The following ADAMTSL1 variants were observed in gnomAD, a reference collection of about 807,000 sequenced individuals.
The protein encoded by ADAMTSL1 is ADAMTS like 1, also known as ADAMTS-like protein 1.
ADAMTSL1 carries 126 observed loss-of-function variants against 201.8 expected under a neutral mutation model. The observed-to-expected ratio is 0.62, with a 90% CI of 0.54 to 0.72. ADAMTSL1 has a LOEUF of 0.72. ADAMTSL1 is among the 30% of genes least tolerant of loss of function. The probability of loss-of-function intolerance (pLI) is 0.00; values close to 1 mark genes in which losing one functional copy is unlikely to be tolerated. For synonymous variants in ADAMTSL1, 1,121 were observed against 903.4 expected, an observed-to-expected ratio of 1.24 and a Z score of -4.32; for missense variants, 2,679 against 2,277.8, an observed-to-expected ratio of 1.18 and a Z score of -3.59.
At chr9:18,026,826 A>T (rs745342831) in intron 1 of ADAMTSL1, among the ~76,000 whole-genome samples, 8 of 152,010 alleles carry the variant, frequency 5.3e-5, no homozygotes, top group Non-Finnish European at 1.0e-4. Flanking sequence ...CTGTGAATCC[A>T]TCTTGTCCAG....
chr9:18,032,438 G>A (rs928999107), intron 1 of ADAMTSL1, among the ~76,000 whole-genome samples: 6 of 152,172 alleles, frequency 3.9e-5, no homozygotes, highest in Non-Finnish European at 8.8e-5. Context: ...AAACATCCGG[G>A]TGGGGCAGTG....
intron 16 of ADAMTSL1, among the ~76,000 whole-genome samples, chr9:18,763,588 A>G (rs1563777860): frequency 1.3e-5 from 2 of 151,216 alleles, no homozygotes; most frequent in Non-Finnish European, 3.0e-5. Context: ...GATTCCCCCA[A>G]TTTTTTTTTG....
chr9:18,854,344 C>T (rs1284738409), intron 23 of ADAMTSL1, among the ~76,000 whole-genome samples: 1 of 152,048 alleles, frequency 6.6e-6, no homozygotes, highest in Non-Finnish European at 1.5e-5. Flanking sequence ...TTTGATTGTA[C>T]TTTGTTCTTG....
At chr9:18,164,202 C>T (rs908841787) in intron 2 of ADAMTSL1, among the ~76,000 whole-genome samples, 2 of 151,782 alleles carry the variant, frequency 1.3e-5, no homozygotes, top group African/African-American at 2.4e-5. Context: ...TTTACTCAAG[C>T]GTTAAAGTTT....
rs1008695382 is a variant in ADAMTSL1 at position 17,964,475 on chromosome 9, C to A, written c.87+57553C>A. On this transcript the variant is annotated intron_variant, in intron 1 of 29. Coordinates refer to the ADAMTSL1 transcript ENST00000680146. ...GAAGGGAACAGTCAGGAGGGGGCAA[C>A]GCAAGGAATCCCTGCGTGGTGACAA... Among the ~76,000 whole-genome samples, 3 of 152,212 alleles carry A rather than the reference C, an allele frequency of 2.0e-5. No individual in the cohort carries two copies. In the South Asian group the frequency reaches 6.2e-4, roughly 32 times the overall value.
At chr9:18,099,326 AATATATATAT>A (rs71333027) in intron 1 of ADAMTSL1, among the ~76,000 whole-genome samples, 3 of 57,590 alleles carry the variant, frequency 5.2e-5, no homozygotes, top group African/African-American at 1.6e-4. Flanking sequence ...GCAAATGGAA[AATATATATAT>A]ATATATATAT....
intron 21 of ADAMTSL1, among the ~76,000 whole-genome samples, chr9:18,818,324 T>C (rs1287808422): frequency 6.6e-6 from 1 of 152,134 alleles, no homozygotes; most frequent in Non-Finnish European, 1.5e-5. Context: ...CCCCATGCTT[T>C]GGTGGTTGCT....
In ADAMTSL1 at chr9:18,860,810, C is replaced by CTAAT. The variant is rs373898120; in HGVS notation, c.4250-27019_4250-27016dup. Among the ~76,000 whole-genome samples the CTAAT allele has an allele frequency of 5.2e-3, 794 of 152,244 alleles. 11 individuals are homozygous for CTAAT. The highest frequency in any genetic ancestry group is 0.018 in the African/African-American group (758 of 41,526). On this transcript the variant is annotated intron_variant, in intron 23 of 28. Coordinates refer to ENST00000380548, the MANE Select transcript of ADAMTSL1 (RefSeq NM_001040272.6). ...TCTAAGAGCAAACTCTAATGAAATGCTAATTGTACATTTTAAAGCAGAATA... is the reference window on the plus strand; with the variant it reads ...TCTAAGAGCAAACTCTAATGAAATGCTAATTAATTGTACATTTTAAAGCAGAATA...
rs117709827 is a variant in ADAMTSL1 at position 18,069,203 on chromosome 9, T to C, written c.88-94659T>C. 6.8e-3 allele frequency among the ~76,000 whole-genome samples: 1,031 copies of C among 152,336 alleles called. 6 individuals carry two copies. Among genetic ancestry groups the C allele is most frequent in the Non-Finnish European group, 9.7e-3 (661 of 68,022 alleles). ...TACACACCATATCTCAAAGACTTAG[T>C]ATAAAAAAGAATATGTTTCATTTTT... On this transcript the variant is annotated intron_variant, in intron 1 of 29. Coordinates refer to the ADAMTSL1 transcript ENST00000680146.
chr9:18,004,674 G>T (rs952006197), intron 1 of ADAMTSL1, among the ~76,000 whole-genome samples: 2 of 152,048 alleles, frequency 1.3e-5, no homozygotes, highest in African/African-American at 4.8e-5. Flanking sequence ...AATGATGTTT[G>T]TCAGTCTCCT....
chr9:18,593,022 A>G (rs528632272), intron 4 of ADAMTSL1, among the ~76,000 whole-genome samples: 126 of 152,076 alleles, frequency 8.3e-4, no homozygotes, highest in South Asian at 2.1e-3. Flanking sequence ...CAGATTGTTC[A>G]TTTTTGGCAT....
intron 1 of ADAMTSL1, among the ~76,000 whole-genome samples, chr9:18,160,811 C>A (rs2132081282): frequency 6.6e-6 from 1 of 150,450 alleles, no homozygotes; most frequent in East Asian, 2.0e-4. Flanking sequence ...TCCTGAGTAG[C>A]TGGGACTACC....
At chr9:18,391,063 G>C (rs1838024225) in intron 2 of ADAMTSL1, among the ~76,000 whole-genome samples, 2 of 152,176 alleles carry the variant, frequency 1.3e-5, no homozygotes, top group Admixed American at 1.3e-4. Context: ...GCAGTCATGA[G>C]TGAGAGGGGT....
chr9:18,055,631 G>A (rs573845807), intron 1 of ADAMTSL1, among the ~76,000 whole-genome samples: 4 of 152,312 alleles, frequency 2.6e-5, no homozygotes, highest in East Asian at 1.9e-4. Context: ...ACGAGGAGTC[G>A]TAAGCACATG....
intron 26 of ADAMTSL1, among the ~76,000 whole-genome samples, chr9:18,896,665 G>A (rs955229815): frequency 6.6e-6 from 1 of 152,184 alleles, no homozygotes; most frequent in Non-Finnish European, 1.5e-5. Context: ...AAGGGAAGTG[G>A]TAAGTGATTG....
chr9:18,843,314 A>T (rs10963798), intron 23 of ADAMTSL1, among the ~76,000 whole-genome samples: 133,223 of 150,472 alleles, frequency 0.89, 59,379 homozygotes, highest in African/African-American at 0.95. Flanking sequence ...GCCTGGATAT[A>T]AAATTCTGGG....
At chr9:18,538,331 C>G (rs1332425923) in intron 3 of ADAMTSL1, among the ~76,000 whole-genome samples, 1 of 152,090 alleles carries the variant, frequency 6.6e-6, no homozygotes, top group African/African-American at 2.4e-5. Context: ...AAACAGGAGG[C>G]AAAGGCCGCG....
chr9:18,501,061 T>C (rs1822807361), intron 1 of ADAMTSL1, among the ~76,000 whole-genome samples: 1 of 152,190 alleles, frequency 6.6e-6, no homozygotes, highest in South Asian at 2.1e-4. Context: ...AGAGCTTAGA[T>C]TTTTGATTTC....
intron 13 of ADAMTSL1, among the ~76,000 whole-genome samples, chr9:18,690,268 C>T (rs1259470449): frequency 6.6e-6 from 1 of 152,032 alleles, no homozygotes; most frequent in Non-Finnish European, 1.5e-5. Flanking sequence ...TTTCATTAGT[C>T]CATATTTATA....
Sources: allele counts gnomAD v4.1 joint callset (sites outside exome capture counted in the v4.1 genomes callset), GRCh38; gene constraint gnomAD v4.1.1; transcripts MANE v1.5; gene names NCBI Gene and HGNC (gene_info 2026-07-23, HGNC 2026-07-21).